Variants in GPC5 observed in about 807,000 individuals in gnomAD.
GPC5 encodes glypican 5.
GPC5 carries 47 observed loss-of-function variants against 53.9 expected under a neutral mutation model. The observed-to-expected ratio is 0.87, with a 90% confidence interval of 0.69 to 1.11. The LOEUF is 1.11. GPC5 is among the 50% of genes most tolerant of loss of function. The probability of loss-of-function intolerance (pLI) is 0.00; values close to 1 mark genes in which losing one functional copy is unlikely to be tolerated. For missense variants in GPC5, 748 were observed against 713.1 expected, an observed-to-expected ratio of 1.05 and a Z score of -0.56; for synonymous variants, 286 against 263.3, an observed-to-expected ratio of 1.09 and a Z score of -0.84.
chr13:91,968,147 TC>T (rs1385612543), intron 6 of GPC5, among the ~76,000 whole-genome samples: 2 of 152,182 alleles, frequency 1.3e-5, no homozygotes, highest in Non-Finnish European at 2.9e-5. Flanking sequence ...TAGAAATGTG[TC>T]CTTTGTTTAA....
chr13:92,836,794 G>A (rs1006293773), intron 7 of GPC5, among the ~76,000 whole-genome samples: 1 of 151,968 alleles, frequency 6.6e-6, no homozygotes, highest in African/African-American at 2.4e-5. Flanking sequence ...TCAAATGAAA[G>A]AAATAAAGTC....
At chr13:92,557,488 G>A (rs181023695) in intron 7 of GPC5, among the ~76,000 whole-genome samples, 59 of 151,964 alleles carry the variant, frequency 3.9e-4, no homozygotes, top group African/African-American at 1.4e-3. Context: ...TAAACACCTT[G>A]TGTAGCATAG....
chr13:92,282,953 G>A (rs1454846564), intron 7 of GPC5, among the ~76,000 whole-genome samples: 6 of 152,126 alleles, frequency 3.9e-5, no homozygotes, highest in Non-Finnish European at 8.8e-5. Flanking sequence ...CTGGCTAATT[G>A]GATAAAAGAG....
chr13:92,147,569 C>G (rs1263462976), intron 7 of GPC5, among the ~76,000 whole-genome samples: 1 of 152,004 alleles, frequency 6.6e-6, no homozygotes, highest in African/African-American at 2.4e-5. Flanking sequence ...CTTCACAAAA[C>G]TATACTTGAC....
intron 2 of GPC5, among the ~76,000 whole-genome samples, chr13:91,555,860 A>G (rs1190426966): frequency 6.6e-6 from 1 of 152,042 alleles, no homozygotes; most frequent in Non-Finnish European, 1.5e-5. Flanking sequence ...ATTCACTACC[A>G]TGAGACCAGT....
intron 7 of GPC5, among the ~76,000 whole-genome samples, chr13:92,864,423 T>C (rs1594558852): frequency 6.6e-6 from 1 of 151,266 alleles, no homozygotes; most frequent in East Asian, 2.1e-4. Context: ...TAAATCAGTG[T>C]CTGGCTCATG....
chr13:91,717,452 T>C (rs987851744), intron 3 of GPC5, among the ~76,000 whole-genome samples: 3 of 152,180 alleles, frequency 2.0e-5, no homozygotes, highest in African/African-American at 7.2e-5. Context: ...CTTCCATCTA[T>C]CTGAGAAGAG....
intron 1 of GPC5, among the ~76,000 whole-genome samples, chr13:91,405,849 C>A (rs1048863637): frequency 6.6e-6 from 1 of 152,198 alleles, no homozygotes; most frequent in East Asian, 1.9e-4. Context: ...CAGCTCACTG[C>A]AGCTTTGACC....
At chr13:91,909,073 C>T (rs185758296) in intron 6 of GPC5, among the ~76,000 whole-genome samples, 305 of 152,224 alleles carry the variant, frequency 2.0e-3, no homozygotes, top group Admixed American at 3.7e-3. Context: ...GGTTGGTGTC[C>T]AATACCATAG....
At chr13:91,514,514 G>C (rs1885393734) in intron 2 of GPC5, among the ~76,000 whole-genome samples, 1 of 152,008 alleles carries the variant, frequency 6.6e-6, no homozygotes. Context: ...AGTTTTGAAA[G>C]TCCTTTATGC....
intron 5 of GPC5, among the ~76,000 whole-genome samples, chr13:91,905,666 T>C (rs2039545633): frequency 6.6e-6 from 1 of 152,096 alleles, no homozygotes; most frequent in Non-Finnish European, 1.5e-5. Flanking sequence ...GAAACCCCTT[T>C]AATATAGCCA....
rs534408555 is a variant in GPC5, at chr13:92,845,214, A to G, written c.1562-21068A>G. Reference sequence around the variant, plus strand: ...GCAAAACTGAGGCACGATCCCTTTGATGAGCTTGATATTTCATATATTTAA... The same window carrying G: ...GCAAAACTGAGGCACGATCCCTTTGGTGAGCTTGATATTTCATATATTTAA... On this transcript the variant is annotated intron_variant, in intron 7 of 7. Coordinates refer to ENST00000377067, the MANE Select transcript of GPC5 (RefSeq NM_004466.6). Among the ~76,000 whole-genome samples the G allele has an allele frequency of 5.9e-5, 9 of 152,224 alleles. No individual in the cohort carries two copies. In the East Asian group the frequency reaches 1.7e-3, roughly 29 times the overall value.
At chr13:91,634,144 G>T (rs2034227917) in intron 2 of GPC5, among the ~76,000 whole-genome samples, 1 of 151,936 alleles carries the variant, frequency 6.6e-6, no homozygotes, top group Non-Finnish European at 1.5e-5. Flanking sequence ...TGATAGTGTG[G>T]ATTATTTTGT....
chr13:91,887,454 T>G (rs1197681904), intron 5 of GPC5, among the ~76,000 whole-genome samples: 3 of 152,216 alleles, frequency 2.0e-5, no homozygotes, highest in Non-Finnish European at 4.4e-5. Context: ...TGATTAACAT[T>G]TGGATCCTTG....
chr13:91,747,960 C>T (rs182656214), intron 4 of GPC5, among the ~76,000 whole-genome samples: 10 of 152,326 alleles, frequency 6.6e-5, no homozygotes, highest in Admixed American at 4.6e-4. Flanking sequence ...GGTTCTCAAA[C>T]ATGGTTGCAC....
intron 7 of GPC5, among the ~76,000 whole-genome samples, chr13:92,849,007 A>G (rs897260811): frequency 2.0e-5 from 3 of 152,166 alleles, no homozygotes; most frequent in African/African-American, 7.2e-5. Flanking sequence ...CCTGCTTTCA[A>G]TATGAGTGTT....
intron 7 of GPC5, among the ~76,000 whole-genome samples, chr13:92,207,581 T>C (rs905443384): frequency 5.3e-5 from 8 of 152,250 alleles, no homozygotes; most frequent in African/African-American, 1.7e-4. Flanking sequence ...AATCTGTCTA[T>C]TGAGAAACCT....
chr13:92,685,562 T>TTTTTTTTTTAA (rs1555302932), intron 7 of GPC5, among the ~76,000 whole-genome samples: 916 of 69,304 alleles, frequency 0.013, 6 homozygotes, highest in African/African-American at 0.04. Flanking sequence ...TTTTTTTAAT[T>TTTTTTTTTTAA]TTTTTTTTTT....
intron 7 of GPC5, among the ~76,000 whole-genome samples, chr13:92,470,965 G>A (rs1013568650): frequency 6.6e-6 from 1 of 152,094 alleles, no homozygotes; most frequent in African/African-American, 2.4e-5. Context: ...GACAGGTTTG[G>A]GAATGGGAGG....
Sources: allele counts gnomAD v4.1 joint callset (sites outside exome capture counted in the v4.1 genomes callset), GRCh38; gene constraint gnomAD v4.1.1; transcripts MANE v1.5; gene names NCBI Gene and HGNC (gene_info 2026-07-23, HGNC 2026-07-21).